Variants in SARNP observed in about 807,000 individuals in gnomAD.
SARNP encodes the protein SAP domain containing ribonucleoprotein, also known as SAP domain-containing ribonucleoprotein.
Under a neutral mutation model 38.1 loss-of-function variants are expected in SARNP, and 5 were observed. That is an observed-to-expected ratio of 0.13 (90% CI 0.07 to 0.28). The LOEUF is 0.28. SARNP is among the 10% of genes least tolerant of loss of function. SARNP has a pLI of 1.00. For synonymous variants in SARNP, 84 were observed against 80.6 expected (o/e 1.04, Z -0.23); for missense variants, 180 against 243.9 (o/e 0.74, Z 1.75).
At position 55,789,078 on chromosome 12, in the gene SARNP, T is replaced by G. The variant is rs771127286; in HGVS notation, c.498A>C (p.Arg166Ser). ...RFGLNVSSIS[R>S]KSEDDEKLKK... ...ACTTCCATCGAGCCTACATTACCTT[T>G]CTGGAGATTGAAGAGACATTCAAAC... The change falls in exon 9 of 11, where the codon AGA becomes AGC. Residue 166 changes from arginine (R) to serine (S), a missense_variant. Arg to Ser is a moderately radical substitution (Grantham distance 110). Transcript: ENST00000336133. 1.9e-6 allele frequency: 3 copies of G among 1,601,840 alleles called. No homozygotes were observed. Among genetic ancestry groups the G allele is most frequent in the East Asian group, 4.5e-5 (2 of 44,716 alleles).
intron 9 of SARNP, among the ~76,000 whole-genome samples, chr12:55,778,140 C>CT (rs1360103068): frequency 6.6e-6 from 1 of 151,958 alleles, no homozygotes; most frequent in African/African-American, 2.4e-5. Flanking sequence ...ATTGTTTCCT[C>CT]TTTTTTTTAA....
chr12:55,782,801 A>G (rs1879377835), intron 9 of SARNP, among the ~76,000 whole-genome samples: 1 of 152,164 alleles, frequency 6.6e-6, no homozygotes, highest in Non-Finnish European at 1.5e-5. Context: ...TATGTTGCCC[A>G]GGCTTCAAAC....
chr12:55,753,918 A>G (rs2136171104), downstream of SARNP: 1 of 152,252 alleles, frequency 6.6e-6, no homozygotes. Flanking sequence ...GTAAATAGCC[A>G]CTGTACTCCA....
At chr12:55,782,003 C>A (rs964380389) in intron 9 of SARNP, among the ~76,000 whole-genome samples, 12 of 152,156 alleles carry the variant, frequency 7.9e-5, no homozygotes, top group Non-Finnish European at 1.3e-4. Flanking sequence ...TGTGCCCAGT[C>A]TAAACTTTTT....
chr12:55,779,673 A>G (rs1879284585), intron 9 of SARNP, among the ~76,000 whole-genome samples: 1 of 152,048 alleles, frequency 6.6e-6, no homozygotes, highest in African/African-American at 2.4e-5. Context: ...CTAATTACAG[A>G]CCCTCTGAGA....
intron 9 of SARNP, among the ~76,000 whole-genome samples, chr12:55,783,186 C>T (rs936354405): frequency 3.3e-5 from 5 of 151,964 alleles, no homozygotes; most frequent in African/African-American, 9.7e-5. Context: ...CACTACTCCT[C>T]TTGGGAGGCA....
chr12:55,761,383 AGGGCCAGAGT>A (rs1219327152), intron 9 of SARNP, among the ~76,000 whole-genome samples: 1 of 152,178 alleles, frequency 6.6e-6, no homozygotes, highest in African/African-American at 2.4e-5. Context: ...AAAGGGGAAG[AGGGCCAGAGT>A]GGTATTTCTG....
At position 55,817,625 on chromosome 12, in the gene SARNP, C is replaced by G. The variant is rs112624887; in HGVS notation, c.36+41G>C. Reference sequence around the variant, plus strand: ...GCAAGCTACCCTGTAGAATTCAGTTCCTAGAAAAGTCCAACTCAGCCCTTC... The same window carrying G: ...GCAAGCTACCCTGTAGAATTCAGTTGCTAGAAAAGTCCAACTCAGCCCTTC... On this transcript the variant is annotated intron_variant, in intron 1 of 10. Transcript: ENST00000336133. The G allele has an allele frequency of 1.5e-5, 24 of 1,592,950 alleles. No homozygotes were observed. In the African/African-American group the frequency reaches 1.6e-4, roughly 11 times the overall value.
At chr12:55,803,547 GA>G (rs548860817) in intron 2 of SARNP, 81 bp downstream of exon 2, 39,040 of 617,040 alleles carry the variant, frequency 0.063, 4 homozygotes, top group South Asian at 0.098. Flanking sequence ...CTAATGACCT[GA>G]AAAAAAAAAA....
chr12:55,794,813 G>A lies in SARNP; in HGVS notation c.371C>T (p.Ala124Val), dbSNP rs1337088839. The A allele has an allele frequency of 6.2e-7, 1 of 1,606,668 alleles. No homozygotes were observed. Among genetic ancestry groups the A allele is most frequent in the Admixed American group, 1.7e-5 (1 of 59,866 alleles). The change falls in exon 6 of 11, where the codon GCA (alanine) becomes GTA (valine). Residue 124 changes from alanine to valine, a missense_variant. By Grantham distance (64) the Ala-to-Val change is moderately conservative (BLOSUM62 0). This residue lies in a region of SARNP where 161 missense variants were observed against 194.1 expected (regional missense o/e 0.83). Transcript: ENST00000336133. The stretch of plus-strand genomic sequence containing the variant: ...AAAGGCTGGGGACACTCACCTAGCT[G>A]CCCGAGCAGCTTTCTTACTCTCCAA... ...VSLESKKAAR[A>V]ARFGISSVPT...
At chr12:55,753,669 C>A (rs982754275), downstream of SARNP, 1 of 148,452 alleles carries the variant, frequency 6.7e-6, no homozygotes, top group Non-Finnish European at 1.5e-5. Flanking sequence ...ACATGGAAGG[C>A]TGAGGCAGAA....
chr12:55,765,333 T>C (rs1592555984), intron 9 of SARNP, among the ~76,000 whole-genome samples: 1 of 152,300 alleles, frequency 6.6e-6, no homozygotes, highest in Middle Eastern at 3.4e-3. Flanking sequence ...ATTTCCCCAT[T>C]AGCCACCTGC....
chr12:55,789,049 CATT>C, intron 9 of SARNP, 23 bp downstream of exon 9: 3 of 1,521,088 alleles, frequency 2.0e-6, no homozygotes, highest in Non-Finnish European at 2.7e-6. Flanking sequence ...GTCACAAAAA[CATT>C]ACTTCCATCG....
chr12:55,794,271 T>G, intron 7 of SARNP, 88 bp downstream of exon 7: 1 of 1,186,832 alleles, frequency 8.4e-7, no homozygotes, highest in South Asian at 1.3e-5. Flanking sequence ...GCTAGCAAAT[T>G]TACCTTATTT....
intron 9 of SARNP, among the ~76,000 whole-genome samples, chr12:55,786,439 T>G (rs7969820): frequency 0.022 from 1,721 of 77,980 alleles, 37 homozygotes; most frequent in African/African-American, 0.058. Context: ...AGCTTTGGTT[T>G]GTTTGTTTGT....
At chr12:55,772,377 C>G (rs146112666) in intron 9 of SARNP, among the ~76,000 whole-genome samples, 1 of 152,178 alleles carries the variant, frequency 6.6e-6, no homozygotes, top group Non-Finnish European at 1.5e-5. Context: ...CTCTTATCTT[C>G]ACAGGATTTG....
At chr12:55,797,842 A>G (rs1293457888) in intron 4 of SARNP, among the ~76,000 whole-genome samples, 1 of 152,202 alleles carries the variant, frequency 6.6e-6, no homozygotes, top group East Asian at 1.9e-4. Context: ...ATCTTTTTGT[A>G]CATACTTCAG....
downstream of SARNP, chr12:55,753,339 C>G (rs1565667430): frequency 1.3e-5 from 2 of 152,220 alleles, no homozygotes; most frequent in Non-Finnish European, 2.9e-5. Context: ...CCTTGTTACA[C>G]AAGAGTGGCT....
At chr12:55,774,697 G>T (rs948533648) in intron 9 of SARNP, among the ~76,000 whole-genome samples, 1 of 151,768 alleles carries the variant, frequency 6.6e-6, no homozygotes, top group African/African-American at 2.4e-5. Flanking sequence ...GCAGTGGGAG[G>T]TTCCAGCTTG....
Sources: allele counts gnomAD v4.1 joint callset (sites outside exome capture counted in the v4.1 genomes callset), GRCh38; gene constraint gnomAD v4.1.1; regional missense constraint gnomAD v4.1.1; transcripts MANE v1.5; gene names NCBI Gene and HGNC (gene_info 2026-07-23, HGNC 2026-07-21).